CTNNA3: variants seen among roughly 807,000 people sequenced by gnomAD.
CTNNA3 encodes catenin alpha 3.
Under a neutral mutation model 95.7 loss-of-function variants are expected in CTNNA3, and 76 were observed. The observed-to-expected ratio is 0.79, with a 90% CI of 0.66 to 0.96. CTNNA3 has a LOEUF of 0.96. CTNNA3 is among the 40% of genes least tolerant of loss of function. CTNNA3 has a pLI of 0.00. For synonymous variants in CTNNA3, 431 were observed against 374.4 expected (o/e 1.15, Z -1.74); for missense variants, 1,191 against 1,089.8 (o/e 1.09, Z -1.31).
intron 5 of CTNNA3, among the ~76,000 whole-genome samples, chr10:67,431,073 C>T (rs1846096552): frequency 6.6e-6 from 1 of 151,952 alleles, no homozygotes; most frequent in African/African-American, 2.4e-5. Context: ...TAAGGGAAGG[C>T]TATTGTCCTG....
chr10:66,031,966 A>G (rs1339454295), intron 15 of CTNNA3, among the ~76,000 whole-genome samples: 3 of 152,190 alleles, frequency 2.0e-5, no homozygotes, highest in Non-Finnish European at 4.4e-5. Flanking sequence ...ACTGAAAAAC[A>G]TTGGTATAAA....
chr10:66,220,171 C>T (rs111530551), intron 13 of CTNNA3, among the ~76,000 whole-genome samples: 1 of 152,086 alleles, frequency 6.6e-6, no homozygotes, highest in Non-Finnish European at 1.5e-5. Context: ...AACACAGAAA[C>T]ATGGGTAAGA....
intron 5 of CTNNA3, among the ~76,000 whole-genome samples, chr10:67,252,084 G>T (rs1413759953): frequency 6.6e-6 from 1 of 152,044 alleles, no homozygotes; most frequent in Non-Finnish European, 1.5e-5. Context: ...GGTGGTGTGT[G>T]CCCGAAGTCC....
intron 7 of CTNNA3, among the ~76,000 whole-genome samples, chr10:66,786,775 A>T (rs1408676455): frequency 6.6e-6 from 1 of 152,178 alleles, no homozygotes; most frequent in Non-Finnish European, 1.5e-5. Flanking sequence ...ATTGGGGGAA[A>T]ATACAGTAGA....
chr10:67,632,126 CCACACACACACACACACA>C (rs71006156), intron 2 of CTNNA3, among the ~76,000 whole-genome samples: 4 of 138,964 alleles, frequency 2.9e-5, no homozygotes, highest in African/African-American at 1.1e-4. Context: ...AGTGTCTTAG[CCACACACACACACACACA>C]CACACACACA....
intron 12 of CTNNA3, among the ~76,000 whole-genome samples, chr10:66,355,291 G>T (rs546844806): frequency 1.3e-5 from 2 of 152,128 alleles, no homozygotes; most frequent in East Asian, 3.9e-4. Flanking sequence ...CTATTTCATG[G>T]ATCCACCATT....
At chr10:67,536,120 T>G (rs1156972000) in intron 4 of CTNNA3, among the ~76,000 whole-genome samples, 3 of 152,020 alleles carry the variant, frequency 2.0e-5, no homozygotes, top group South Asian at 4.2e-4. Context: ...TACAAAGAAA[T>G]GTAAGCCAAT....
intron 7 of CTNNA3, among the ~76,000 whole-genome samples, chr10:67,091,816 A>T (rs1857663109): frequency 6.6e-6 from 1 of 152,060 alleles, no homozygotes; most frequent in South Asian, 2.1e-4. Flanking sequence ...GACTTAATCT[A>T]ATAAGTATTC....
intron 7 of CTNNA3, among the ~76,000 whole-genome samples, chr10:66,833,860 A>C (rs950856888): frequency 1.3e-5 from 2 of 151,936 alleles, no homozygotes; most frequent in Non-Finnish European, 1.5e-5. Flanking sequence ...AAGTATTGTA[A>C]ACACACACAC....
chr10:66,543,129 C>G (rs1454768067), intron 10 of CTNNA3, among the ~76,000 whole-genome samples: 1 of 152,018 alleles, frequency 6.6e-6, no homozygotes, highest in Non-Finnish European at 1.5e-5. Flanking sequence ...TGCTGTGCTG[C>G]CCAGGCTAGA....
At chr10:67,140,124 T>C (rs964508594) in intron 7 of CTNNA3, among the ~76,000 whole-genome samples, 2 of 152,214 alleles carry the variant, frequency 1.3e-5, no homozygotes, top group African/African-American at 2.4e-5. Context: ...CATCCCTTAT[T>C]TCTAGCCTAA....
At chr10:67,233,596 A>G (rs2132307777) in intron 5 of CTNNA3, among the ~76,000 whole-genome samples, 1 of 144,832 alleles carries the variant, frequency 6.9e-6, no homozygotes, top group Admixed American at 7.0e-5. Context: ...ATCACAATTA[A>G]AAGAACTAGA....
At chr10:66,382,909 A>G (rs1430406789) in intron 11 of CTNNA3, among the ~76,000 whole-genome samples, 1 of 152,116 alleles carries the variant, frequency 6.6e-6, no homozygotes, top group East Asian at 1.9e-4. Flanking sequence ...ATCAACAAAA[A>G]GATCATCTAC....
At chr10:66,079,869 T>A (rs1322653892) in intron 14 of CTNNA3, among the ~76,000 whole-genome samples, 1 of 152,076 alleles carries the variant, frequency 6.6e-6, no homozygotes, top group Non-Finnish European at 1.5e-5. Flanking sequence ...GATTATGTAA[T>A]GCACAAAGAA....
intron 5 of CTNNA3, among the ~76,000 whole-genome samples, chr10:67,339,070 T>C (rs1170405970): frequency 1.3e-5 from 2 of 152,174 alleles, no homozygotes; most frequent in Non-Finnish European, 2.9e-5. Context: ...TGAAGTCTTG[T>C]AGAATGGAGA....
chr10:66,188,630 T>TGTGC (rs1479469096), intron 13 of CTNNA3, among the ~76,000 whole-genome samples: 22 of 150,176 alleles, frequency 1.5e-4, no homozygotes, highest in African/African-American at 4.2e-4. Flanking sequence ...TGTGTGTGTG[T>TGTGC]GCCACAATTT....
At chr10:66,562,230 T>A (rs965007060) in intron 10 of CTNNA3, among the ~76,000 whole-genome samples, 2 of 152,142 alleles carry the variant, frequency 1.3e-5, no homozygotes, top group African/African-American at 4.8e-5. Context: ...ACAGCTTGAC[T>A]TTGTTTTCAT....
chr10:67,701,905 G>C (rs1279233804), intron 1 of CTNNA3, among the ~76,000 whole-genome samples: 1 of 152,100 alleles, frequency 6.6e-6, no homozygotes, highest in Non-Finnish European at 1.5e-5. Context: ...GACACACATA[G>C]GCTCAAAATA....
rs901807317 is a variant in CTNNA3 at position 66,678,849 on chromosome 10, G to A, written c.1282-57065C>T. Among the ~76,000 whole-genome samples the A allele has an allele frequency of 5.9e-5, 9 of 152,128 alleles. No individual in the cohort carries two copies. The South Asian group carries it at 6.2e-4, about 11-fold the overall frequency. On this transcript the variant is annotated intron_variant, in intron 9 of 17. Coordinates refer to ENST00000433211, the MANE Select transcript of CTNNA3 (RefSeq NM_013266.4). ...TATGAGAGTGTGTGTGTGTGTGCAC[G>A]CAAGTGTGTCAGTTTTATGTGTTTG...
Sources: gnomAD v4.1 joint callset for allele counts (sites outside exome capture counted in the v4.1 genomes callset) on GRCh38, gnomAD v4.1.1 for gene constraint, MANE v1.5 for transcripts, NCBI Gene and HGNC (gene_info 2026-07-23, HGNC 2026-07-21) for gene names.